The following TMEM154 variants were observed in gnomAD, a reference collection of about 807,000 sequenced individuals.
The protein encoded by TMEM154 is transmembrane protein 154.
A neutral mutation model predicts 24.5 loss-of-function variants in TMEM154; 27 were observed. The ratio of observed to expected loss-of-function variants is 1.10; its 90% CI spans 0.81 to 1.52. The LOEUF is 1.52. Ranked by LOEUF, TMEM154 falls within the 40% of genes most tolerant of loss-of-function variation. The pLI is 0.00. For synonymous variants in TMEM154, 67 were observed against 76.8 expected, an observed-to-expected ratio of 0.87 and a Z score of 0.67; for missense variants, 228 against 213.4, an observed-to-expected ratio of 1.07 and a Z score of -0.43.
rs1751861420 is a variant in TMEM154, at chr4:152,622,688, G to A, written c.*5858C>T. On this transcript the variant is annotated 3_prime_UTR_variant, in exon 7 of 7. Coordinates refer to ENST00000304385, the MANE Select transcript of TMEM154 (RefSeq NM_152680.3). ...TAATTTATATATACATATGTATACT[G>A]ACATTTATAAAATTGTAAATCATAC... is the stretch of plus-strand genomic sequence containing the variant. 2 of 151,908 alleles carry A rather than the reference G, an allele frequency of 1.3e-5. No individual in the cohort carries two copies. The highest frequency in any genetic ancestry group is 2.1e-4 in the South Asian group (1 of 4,810). The allele number at this position is 151,908 out of a possible 1,614,324, so 9.4% of individuals were successfully genotyped here. A position where few individuals can be genotyped will look rare whatever the true frequency, so the allele number is the denominator to read the frequency against.
chr4:152,666,248 G>A (rs540157231), intron 1 of TMEM154: 12 of 152,354 alleles, frequency 7.9e-5, no homozygotes, highest in Admixed American at 4.6e-4. Flanking sequence ...CACCTGGGAA[G>A]TTTTCAAGCC....
At chr4:152,653,962 C>A (rs1055254427) in intron 1 of TMEM154, among the ~76,000 whole-genome samples, 9 of 151,672 alleles carry the variant, frequency 5.9e-5, no homozygotes, top group Non-Finnish European at 8.8e-5. Flanking sequence ...TTGCTTGAAC[C>A]CAGGAAGCAG....
At chr4:152,634,572 C>A (rs918111677) in intron 6 of TMEM154, among the ~76,000 whole-genome samples, 1 of 152,152 alleles carries the variant, frequency 6.6e-6, no homozygotes, top group Non-Finnish European at 1.5e-5. Flanking sequence ...AGATCATGCC[C>A]GTGTTGTGGA....
chr4:152,630,430 C>A (rs921832906), intron 6 of TMEM154, among the ~76,000 whole-genome samples: 6 of 151,946 alleles, frequency 3.9e-5, no homozygotes, highest in Admixed American at 2.0e-4. Flanking sequence ...ACTTATGTCA[C>A]CCTGAATAAC....
rs191945598 is a variant in TMEM154 at position 152,670,661 on chromosome 4, G to A, written c.64+9209C>T. Among the ~76,000 whole-genome samples the A allele has an allele frequency of 3.3e-5, 5 of 152,014 alleles. No homozygotes were observed. The South Asian group carries it at 6.2e-4, about 19-fold the overall frequency. On this transcript the variant is annotated intron_variant, in intron 1 of 6. Transcript: ENST00000304385. The stretch of plus-strand genomic sequence containing the variant: ...ATTTGGGATAGTTAGCTAATATTCT[G>A]GAATAAAATTATAAAACTGGGTTAA...
At chr4:152,650,252 G>A (rs1561050606) in intron 3 of TMEM154, among the ~76,000 whole-genome samples, 1 of 152,034 alleles carries the variant, frequency 6.6e-6, no homozygotes. Context: ...TTCACAATTG[G>A]AGACGATTCT....
intron 4 of TMEM154, among the ~76,000 whole-genome samples, chr4:152,643,751 G>A (rs1335150723): frequency 6.6e-6 from 1 of 152,196 alleles, no homozygotes; most frequent in Non-Finnish European, 1.5e-5. Context: ...AGATGGGGTT[G>A]GGGAAGGATG....
rs1751891501 is a variant in TMEM154, at chr4:152,624,791, T to C, written c.*3755A>G. ...TGAAATATTCCACTAGACACTAATA[T>C]ACAGGAACTCTTTTGGTCATTGTCA... On this transcript the variant is annotated 3_prime_UTR_variant, in exon 7 of 7. Transcript: ENST00000304385. 1 of 152,234 alleles carries C rather than the reference T, an allele frequency of 6.6e-6. No homozygotes were observed. Among genetic ancestry groups the C allele is most frequent in the Non-Finnish European group, 1.5e-5 (1 of 68,042 alleles). 9.4% of individuals were successfully genotyped at this position (152,234 alleles called of 1,614,324 possible). A position where few individuals can be genotyped will look rare whatever the true frequency, so the allele number is the denominator to read the frequency against.
chr4:152,652,446 T>G, intron 3 of TMEM154, 92 bp downstream of exon 3: 1 of 1,569,218 alleles, frequency 6.4e-7, no homozygotes, highest in Non-Finnish European at 8.6e-7. Flanking sequence ...CACTTACTAT[T>G]ATATGTAGTC....
chr4:152,660,518 G>T (rs559839180), intron 1 of TMEM154, among the ~76,000 whole-genome samples: 1 of 151,938 alleles, frequency 6.6e-6, no homozygotes, highest in East Asian at 1.9e-4. Flanking sequence ...ATCTCATTTT[G>T]TCCTCACCAT....
In TMEM154 at chr4:152,628,446, T is replaced by G. The variant is rs1751955741; in HGVS notation, c.*100A>C. 6.3e-7 allele frequency: 1 copy of G among 1,577,318 alleles called. No individual in the cohort carries two copies. Among genetic ancestry groups the G allele is most frequent in the Non-Finnish European group, 8.7e-7 (1 of 1,150,826 alleles). On this transcript the variant is annotated 3_prime_UTR_variant, in exon 7 of 7. Transcript: ENST00000304385. ...AAAGGTTCTTGTGTCTATGTTGATT[T>G]GAAATTAATTAAATTTGTATCCTCT...
intron 5 of TMEM154, chr4:152,641,197 A>C: frequency 4.0e-6 from 2 of 505,886 alleles, no homozygotes; most frequent in Non-Finnish European, 6.9e-6. Context: ...AAACTTCAAC[A>C]TGCCTCTGAC....
Position 152,652,554 on chromosome 4 carries a change from CTG to C in TMEM154, c.346_347del (p.Gln116GlufsTer7), listed in dbSNP as rs1485810597. On this transcript the variant is annotated frameshift_variant, in exon 3 of 7. Coordinates refer to ENST00000304385, the MANE Select transcript of TMEM154 (RefSeq NM_152680.3). LOFTEE classifies it high-confidence loss of function. ...TKQEPSSQGS[Q>X]SALQTYELGS... ...AATACTCACATGTCTGTAAAGCACT[CTG>C]AGATCCTTGGCTAGAAGGTTCTGTA... is the stretch of plus-strand genomic sequence containing the variant. The C allele has an allele frequency of 6.2e-7, 1 of 1,613,980 alleles. No homozygotes were observed. Among genetic ancestry groups the C allele is most frequent in the Middle Eastern group, 1.7e-4 (1 of 6,060 alleles).
At chr4:152,653,936 G>A (rs937992385) in intron 1 of TMEM154, among the ~76,000 whole-genome samples, 5 of 151,812 alleles carry the variant, frequency 3.3e-5, no homozygotes, top group Non-Finnish European at 5.9e-5. Flanking sequence ...CTACTTGGGA[G>A]GCTGAGGCAA....
intron 3 of TMEM154, among the ~76,000 whole-genome samples, chr4:152,647,516 T>C (rs1728280653): frequency 1.3e-5 from 2 of 152,256 alleles, no homozygotes; most frequent in Admixed American, 6.5e-5. Flanking sequence ...GCCAATTGTT[T>C]TGAAATGCTA....
At chr4:152,672,867 G>T (rs781759162) in intron 1 of TMEM154, among the ~76,000 whole-genome samples, 1 of 152,222 alleles carries the variant, frequency 6.6e-6, no homozygotes, top group Non-Finnish European at 1.5e-5. Flanking sequence ...TTTAGATTTT[G>T]TGGGCCAAGA....
intron 1 of TMEM154, among the ~76,000 whole-genome samples, chr4:152,653,728 A>C (rs1415624463): frequency 6.6e-6 from 1 of 152,038 alleles, no homozygotes; most frequent in African/African-American, 2.4e-5. Flanking sequence ...CTATCAATGG[A>C]AAATAATTCT....
intron 1 of TMEM154, among the ~76,000 whole-genome samples, chr4:152,664,955 T>C (rs1728687548): frequency 6.6e-6 from 1 of 152,096 alleles, no homozygotes; most frequent in South Asian, 2.1e-4. Context: ...CTGATTAGCA[T>C]TAGAAGAAGG....
At position 152,622,680 on chromosome 4, in the gene TMEM154, T is replaced by C. The variant is rs1751861312; in HGVS notation, c.*5866A>G. 6.6e-6 allele frequency: 1 copy of C among 152,166 alleles called. No homozygotes were observed. Among genetic ancestry groups the C allele is most frequent in the South Asian group, 2.1e-4 (1 of 4,826 alleles). The allele number at this position is 152,166 out of a possible 1,614,324, so 9.4% of individuals were successfully genotyped here. A position where few individuals can be genotyped will look rare whatever the true frequency, so the allele number is the denominator to read the frequency against. ...GTTGAGAATAATTTATATATACATA[T>C]GTATACTGACATTTATAAAATTGTA... is the stretch of plus-strand genomic sequence containing the variant. On this transcript the variant is annotated 3_prime_UTR_variant, in exon 7 of 7. Coordinates refer to ENST00000304385, the MANE Select transcript of TMEM154 (RefSeq NM_152680.3).
Sources: allele counts gnomAD v4.1 joint callset (sites outside exome capture counted in the v4.1 genomes callset), GRCh38; gene constraint gnomAD v4.1.1; transcripts MANE v1.5; gene names NCBI Gene and HGNC (gene_info 2026-07-23, HGNC 2026-07-21).